The following DNAJC3 variants were observed in gnomAD, a reference collection of about 807,000 sequenced individuals.
DNAJC3 encodes dnaJ homolog subfamily C member 3.
Under a neutral mutation model 68.6 loss-of-function variants are expected in DNAJC3, and 38 were observed. The ratio of observed to expected loss-of-function variants is 0.55; its 90% CI spans 0.43 to 0.73. The LOEUF (loss-of-function observed/expected upper bound fraction) is 0.73, where lower values mean the gene tolerates loss of function less well. Among genes scored for constraint, DNAJC3 ranks in the 30% least tolerant of loss-of-function variants. The pLI is 0.00. For missense variants in DNAJC3, 526 were observed against 591.9 expected, an observed-to-expected ratio of 0.89 and a Z score of 1.16; for synonymous variants, 203 against 204.0, an observed-to-expected ratio of 1.00 and a Z score of 0.04.
At position 95,791,099 on chromosome 13, in the gene DNAJC3, C is replaced by CTAA; in HGVS notation, c.*71_*73dup. 6.4e-7 allele frequency: 1 copy of CTAA among 1,561,530 alleles called. No individual in the cohort carries two copies. Among genetic ancestry groups the CTAA allele is most frequent in the Non-Finnish European group, 8.7e-7 (1 of 1,152,402 alleles). On this transcript the variant is annotated 3_prime_UTR_variant, in exon 12 of 12. Coordinates refer to ENST00000602402, the MANE Select transcript of DNAJC3 (RefSeq NM_006260.5). The stretch of plus-strand genomic sequence containing the variant: ...AACAAAGAAATCTTGTTCCGGGACC[C>CTAA]TAATGAAAAAAAATTTCAAATCTTT...
intron 2 of DNAJC3, among the ~76,000 whole-genome samples, chr13:95,710,605 A>G (rs1880924223): frequency 6.6e-6 from 1 of 152,032 alleles, no homozygotes; most frequent in South Asian, 2.1e-4. Context: ...CTTTACTTAT[A>G]TATTTTTACC....
intron 4 of DNAJC3, among the ~76,000 whole-genome samples, chr13:95,744,227 T>C (rs940851382): frequency 6.6e-6 from 1 of 152,228 alleles, no homozygotes; most frequent in Non-Finnish European, 1.5e-5. Context: ...TTTATATTTT[T>C]ACTGTGATTG....
intron 9 of DNAJC3, among the ~76,000 whole-genome samples, chr13:95,769,960 T>C (rs1442362600): frequency 3.3e-5 from 5 of 152,302 alleles, no homozygotes; most frequent in Admixed American, 2.0e-4. Context: ...CAGAAAAAGA[T>C]ACAAGGCAGA....
At chr13:95,681,408 T>C (rs924795515) in intron 1 of DNAJC3, among the ~76,000 whole-genome samples, 1 of 152,184 alleles carries the variant, frequency 6.6e-6, no homozygotes, top group Non-Finnish European at 1.5e-5. Context: ...TGGAGTGCAG[T>C]GGCATGATCC....
intron 1 of DNAJC3, among the ~76,000 whole-genome samples, chr13:95,699,066 T>G (rs1880522882): frequency 6.6e-6 from 1 of 152,154 alleles, no homozygotes; most frequent in Non-Finnish European, 1.5e-5. Context: ...AACATCTCAG[T>G]GAGGAGGCAC....
chr13:95,695,922 C>T (rs935795013), intron 1 of DNAJC3, among the ~76,000 whole-genome samples: 3 of 152,186 alleles, frequency 2.0e-5, no homozygotes, highest in African/African-American at 7.2e-5. Flanking sequence ...TCAGTATTGA[C>T]TGCCAACACT....
chr13:95,755,818 C>T (rs59511172), intron 4 of DNAJC3, among the ~76,000 whole-genome samples: 2,118 of 141,964 alleles, frequency 0.015, 53 homozygotes, highest in African/African-American at 0.052. Flanking sequence ...ACCCTAATTT[C>T]ATCTGGCTTG....
intron 1 of DNAJC3, among the ~76,000 whole-genome samples, chr13:95,699,305 A>G (rs145467703): frequency 0.013 from 1,954 of 152,308 alleles, 50 homozygotes; most frequent in African/African-American, 0.045. Flanking sequence ...TTATTCTGGA[A>G]AGAAGAAATG....
intron 1 of DNAJC3, among the ~76,000 whole-genome samples, chr13:95,679,753 T>C (rs1051237802): frequency 2.0e-5 from 3 of 152,230 alleles, no homozygotes; most frequent in African/African-American, 7.2e-5. Context: ...GCTTCACTAT[T>C]GTAACCATTT....
chr13:95,725,545 T>C (rs376655774), intron 4 of DNAJC3, among the ~76,000 whole-genome samples: 2 of 152,170 alleles, frequency 1.3e-5, no homozygotes, highest in East Asian at 1.9e-4. Context: ...ACCATGAGAA[T>C]CTAAAGATGT....
intron 2 of DNAJC3, among the ~76,000 whole-genome samples, chr13:95,712,587 G>T (rs1881007327): frequency 6.6e-6 from 1 of 151,996 alleles, no homozygotes; most frequent in Non-Finnish European, 1.5e-5. Context: ...ATGTTTGCCA[G>T]GCTGGTCTTG....
intron 3 of DNAJC3, among the ~76,000 whole-genome samples, chr13:95,724,523 A>G (rs575759393): frequency 3.3e-5 from 5 of 152,354 alleles, no homozygotes; most frequent in Admixed American, 3.3e-4. Context: ...AAATTGAGAT[A>G]TAATTTATAT....
At chr13:95,760,512 A>G (rs1162608293) in intron 6 of DNAJC3, among the ~76,000 whole-genome samples, 167 bp from the exon 7 acceptor site, 1 of 152,248 alleles carries the variant, frequency 6.6e-6, no homozygotes, top group Non-Finnish European at 1.5e-5. Flanking sequence ...TAACAAATGT[A>G]TGCATGGTAC....
At chr13:95,764,246 T>C (rs1234221808) in intron 9 of DNAJC3, among the ~76,000 whole-genome samples, 2 of 152,008 alleles carry the variant, frequency 1.3e-5, no homozygotes, top group Non-Finnish European at 2.9e-5. Context: ...AAATTGTAGC[T>C]CTCATGTTAT....
In DNAJC3 at chr13:95,763,627, T is replaced by C. The variant is rs1594013682; in HGVS notation, c.849-16T>C. On this transcript the variant is annotated splice_polypyrimidine_tract_variant and intron_variant, in intron 7 of 11. Coordinates refer to ENST00000602402, the MANE Select transcript of DNAJC3 (RefSeq NM_006260.5). The stretch of plus-strand genomic sequence containing the variant: ...CAAATGTCATCATTTCTTATCATGA[T>C]TTGCTCATTTCTTAGATACACAGAT... 2 of 1,609,570 alleles carry C rather than the reference T, an allele frequency of 1.2e-6. No individual in the cohort carries two copies. Among genetic ancestry groups the C allele is most frequent in the African/African-American group, 1.3e-5 (1 of 74,854 alleles).
At chr13:95,760,590 C>A in intron 6 of DNAJC3, 89 bp from the exon 7 acceptor site, 2 of 1,499,548 alleles carry the variant, frequency 1.3e-6, no homozygotes, top group Non-Finnish European at 1.8e-6. Context: ...TCGTTGCAAA[C>A]AAAAAATACT....
At chr13:95,719,833 A>T (rs934727082) in intron 2 of DNAJC3, among the ~76,000 whole-genome samples, 1 of 152,244 alleles carries the variant, frequency 6.6e-6, no homozygotes, top group Admixed American at 6.5e-5. Context: ...TACAAAAGTT[A>T]TACACAGTCC....
At chr13:95,790,789 A>G in intron 11 of DNAJC3, 84 bp from the exon 12 acceptor site, 2 of 920,446 alleles carry the variant, frequency 2.2e-6, no homozygotes, top group South Asian at 2.9e-5. Flanking sequence ...AAGCCCACCC[A>G]CCCTCCTCTG....
At chr13:95,732,791 A>G (rs1447890848) in intron 4 of DNAJC3, among the ~76,000 whole-genome samples, 1 of 148,988 alleles carries the variant, frequency 6.7e-6, no homozygotes, top group African/African-American at 2.5e-5. Context: ...TTTTTTATAT[A>G]TGTGTTTATT....
Sources: allele counts gnomAD v4.1 joint callset (sites outside exome capture counted in the v4.1 genomes callset), GRCh38; gene constraint gnomAD v4.1.1; transcripts MANE v1.5; gene names NCBI Gene and HGNC (gene_info 2026-07-23, HGNC 2026-07-21).